Variants in FGF10 observed in about 807,000 individuals in gnomAD.
The protein encoded by FGF10 is FGF-10.
Under a neutral mutation model 19.8 loss-of-function variants are expected in FGF10, and 2 were observed. The observed-to-expected ratio is 0.10, with a 90% CI of 0.04 to 0.32. The LOEUF (loss-of-function observed/expected upper bound fraction) is 0.32, where lower values mean the gene tolerates loss of function less well. Ranked by LOEUF, FGF10 falls within the 10% of genes least tolerant of loss-of-function variation. The pLI is 1.00. For missense variants in FGF10, 191 were observed against 246.3 expected, an observed-to-expected ratio of 0.78 and a Z score of 1.50; for synonymous variants, 112 against 94.0, an observed-to-expected ratio of 1.19 and a Z score of -1.10.
Position 44,388,771 on chromosome 5 carries a change from G to C in FGF10, c.-89C>G, listed in dbSNP as rs1049284089. On this transcript the variant is annotated 5_prime_UTR_variant, in exon 1 of 3. Transcript: ENST00000264664. Reference sequence around the variant, plus strand: ...CCGATGCAAGGCAAGGAGAGAGCTCGAGGTGGTGGCTGCTGGTTAGCTCCC... The same window carrying C: ...CCGATGCAAGGCAAGGAGAGAGCTCCAGGTGGTGGCTGCTGGTTAGCTCCC... 7.9e-6 allele frequency: 11 copies of C among 1,384,662 alleles called. No homozygotes were observed. The African/African-American group carries it at 1.4e-4, about 18-fold the overall frequency. 85.8% of individuals were successfully genotyped at this position (1,384,662 alleles called of 1,614,324 possible).
At position 44,322,055 on chromosome 5, in the gene FGF10, G is replaced by A. The variant is rs148678963; in HGVS notation, c.326-11525C>T. The stretch of plus-strand genomic sequence containing the variant: ...TGGGATTACAGGTGTGAGCCACTGC[G>A]CCCAGCTACATCTTCCCTTATACAC... On this transcript the variant is annotated intron_variant, in intron 1 of 2. Coordinates refer to ENST00000264664, the MANE Select transcript of FGF10 (RefSeq NM_004465.2). Among the ~76,000 whole-genome samples the A allele has an allele frequency of 6.9e-3, 1,053 of 152,188 alleles. 6 individuals carry two copies. Among genetic ancestry groups the A allele is most frequent in the Non-Finnish European group, 8.8e-3 (597 of 67,998 alleles).
chr5:44,375,232 T>G (rs1384465723), intron 1 of FGF10, among the ~76,000 whole-genome samples: 2 of 152,128 alleles, frequency 1.3e-5, no homozygotes, highest in African/African-American at 4.8e-5. Flanking sequence ...TCTCAACAAG[T>G]TTTCTGTTTA....
In FGF10 at chr5:44,388,492, C is replaced by A. The variant is rs201676495; in HGVS notation, c.191G>T (p.Gly64Val). 31 of 1,614,008 alleles carry A rather than the reference C, an allele frequency of 1.9e-5. No individual in the cohort carries two copies. The East Asian group carries it at 4.9e-4, about 26-fold the overall frequency. Reference sequence around the variant, plus strand: ...GTGATTGTAGCTCCGCACATGCCTTCCCGCGCTGGAAGGAGAGGAGAAGGA... The same window carrying A: ...GTGATTGTAGCTCCGCACATGCCTTACCGCGCTGGAAGGAGAGGAGAAGGA... ...SSSFSSPSSA[G>V]RHVRSYNHLQ... Residue 64 changes from glycine to valine, a missense_variant, in exon 1 of 3, where the codon GGA (glycine) becomes GTA (valine). Physicochemically the swap from Gly to Val is moderately radical, Grantham distance 109. Transcript: ENST00000264664.
intron 1 of FGF10, among the ~76,000 whole-genome samples, chr5:44,373,435 A>C (rs1026873526): frequency 6.6e-6 from 1 of 152,096 alleles, no homozygotes; most frequent in Non-Finnish European, 1.5e-5. Flanking sequence ...TTTTCACTTT[A>C]TCTCCTTCTT....
chr5:44,359,548 T>G (rs1490843667), intron 1 of FGF10, among the ~76,000 whole-genome samples: 1 of 151,448 alleles, frequency 6.6e-6, no homozygotes, highest in Non-Finnish European at 1.5e-5. Flanking sequence ...TTCAGTCTAA[T>G]AGACTGGGCT....
intron 1 of FGF10, among the ~76,000 whole-genome samples, chr5:44,343,074 T>C (rs1017028603): frequency 3.9e-5 from 6 of 151,958 alleles, no homozygotes; most frequent in African/African-American, 1.2e-4. Context: ...CAAATAAAAA[T>C]AACTCGTCTA....
chr5:44,378,380 CT>C, intron 1 of FGF10, among the ~76,000 whole-genome samples: 1 of 152,294 alleles, frequency 6.6e-6, no homozygotes. Context: ...AGGCCTCTAA[CT>C]TTTTCCCCAA....
intron 1 of FGF10, among the ~76,000 whole-genome samples, chr5:44,340,300 T>C (rs533287788): frequency 9.2e-5 from 14 of 152,186 alleles, no homozygotes; most frequent in East Asian, 7.7e-4. Context: ...CCTTCAAGAA[T>C]TGCCCAAAAG....
chr5:44,319,229 T>C (rs919066800), intron 1 of FGF10, among the ~76,000 whole-genome samples: 3 of 152,116 alleles, frequency 2.0e-5, no homozygotes, highest in African/African-American at 4.8e-5. Flanking sequence ...GAAAAAAAAT[T>C]AAGCCACATA....
At chr5:44,310,403 T>C in intron 2 of FGF10, 24 bp downstream of exon 2, 1 of 1,526,332 alleles carries the variant, frequency 6.6e-7, no homozygotes, top group Non-Finnish European at 9.1e-7. Flanking sequence ...GGAGTGGATT[T>C]GAAAACAAAA....
intron 1 of FGF10, among the ~76,000 whole-genome samples, chr5:44,381,271 C>T (rs1741976432): frequency 2.0e-5 from 3 of 151,910 alleles, no homozygotes; most frequent in African/African-American, 7.3e-5. Flanking sequence ...AGAAGACGGT[C>T]CTGATGGAGT....
chr5:44,332,647 T>C (rs1246717580), intron 1 of FGF10, among the ~76,000 whole-genome samples: 2 of 152,162 alleles, frequency 1.3e-5, no homozygotes, highest in Non-Finnish European at 2.9e-5. Context: ...ACACATCACC[T>C]GGGGTGACGC....
intron 1 of FGF10, among the ~76,000 whole-genome samples, chr5:44,387,050 G>A (rs1742115333): frequency 6.6e-6 from 1 of 152,088 alleles, no homozygotes; most frequent in African/African-American, 2.4e-5. Flanking sequence ...CCCTTTAAAG[G>A]TGACTTGGAA....
At chr5:44,365,651 C>A (rs1561215769) in intron 1 of FGF10, among the ~76,000 whole-genome samples, 2 of 151,952 alleles carry the variant, frequency 1.3e-5, no homozygotes, top group Non-Finnish European at 2.9e-5. Flanking sequence ...CTGTTGTCAT[C>A]CCAGTCTCAG....
chr5:44,366,507 T>C (rs543858357), intron 1 of FGF10, among the ~76,000 whole-genome samples: 4 of 152,122 alleles, frequency 2.6e-5, no homozygotes, highest in African/African-American at 9.6e-5. Context: ...TTTAAGGGAC[T>C]AAGCTGGGGC....
chr5:44,335,121 T>TG (rs1740818047), intron 1 of FGF10, among the ~76,000 whole-genome samples: 1 of 152,150 alleles, frequency 6.6e-6, no homozygotes, highest in Non-Finnish European at 1.5e-5. Flanking sequence ...CTGAATAGTC[T>TG]TTTTCTAATC....
chr5:44,332,476 A>G (rs1275384609), intron 1 of FGF10, among the ~76,000 whole-genome samples: 1 of 152,184 alleles, frequency 6.6e-6, no homozygotes, highest in Non-Finnish European at 1.5e-5. Flanking sequence ...AACCAAGCAT[A>G]CTATCCATTT....
At chr5:44,311,922 C>G (rs1293751265) in intron 1 of FGF10, among the ~76,000 whole-genome samples, 1 of 152,030 alleles carries the variant, frequency 6.6e-6, no homozygotes, top group Non-Finnish European at 1.5e-5. Flanking sequence ...TATTCCTTCA[C>G]AGGTTAGCCT....
chr5:44,331,804 G>A (rs902856174), intron 1 of FGF10, among the ~76,000 whole-genome samples: 2 of 152,038 alleles, frequency 1.3e-5, no homozygotes, highest in African/African-American at 2.4e-5. Context: ...AAAGATCATC[G>A]AGAGCAGAAA....
Sources: gnomAD v4.1 joint callset for allele counts (sites outside exome capture counted in the v4.1 genomes callset) on GRCh38, gnomAD v4.1.1 for gene constraint, MANE v1.5 for transcripts, NCBI Gene and HGNC (gene_info 2026-07-23, HGNC 2026-07-21) for gene names.